The following FRMD4A variants were observed in gnomAD, a reference collection of about 807,000 sequenced individuals.
The protein encoded by FRMD4A is FERM domain containing 4A, also known as FERM domain-containing protein 4A.
FRMD4A carries 29 observed loss-of-function variants against 129.1 expected under a neutral mutation model. The ratio of observed to expected loss-of-function variants is 0.22; its 90% CI spans 0.17 to 0.31. The LOEUF is 0.31. Among genes scored for constraint, FRMD4A ranks in the 10% least tolerant of loss-of-function variants. The pLI, the probability that FRMD4A is intolerant of heterozygous loss-of-function variation, is 1.00. For missense variants in FRMD4A, 1,272 were observed against 1,375.8 expected, an observed-to-expected ratio of 0.92 and a Z score of 1.19; for synonymous variants, 634 against 571.6, an observed-to-expected ratio of 1.11 and a Z score of -1.56.
intron 2 of FRMD4A, among the ~76,000 whole-genome samples, chr10:14,162,853 A>C (rs1439255129): frequency 1.3e-5 from 2 of 152,148 alleles, no homozygotes; most frequent in East Asian, 3.9e-4. Context: ...ACCCAAGAGC[A>C]ATGCATGATT....
chr10:13,888,260 C>T lies in FRMD4A; in HGVS notation c.46-29348G>A, dbSNP rs141112544. Among the ~76,000 whole-genome samples the T allele has an allele frequency of 2.7e-3, 409 of 152,362 alleles. 3 individuals carry two copies. Among genetic ancestry groups the T allele is most frequent in the African/African-American group, 9.2e-3 (382 of 41,594 alleles). ...CAGCCACTTTTCCAAGATTCTCTGA[C>T]TCTGATTTTGCTATTGGAGGAAAAA... On this transcript the variant is annotated intron_variant, in intron 2 of 24. Transcript: ENST00000357447.
chr10:13,995,063 G>A (rs2095617678), intron 2 of FRMD4A, among the ~76,000 whole-genome samples: 1 of 152,140 alleles, frequency 6.6e-6, no homozygotes, highest in South Asian at 2.1e-4. Context: ...GCCAGTTTCT[G>A]ACCACTGGAT....
chr10:14,324,207 T>C (rs1459965827), intron 2 of FRMD4A, among the ~76,000 whole-genome samples: 2 of 152,258 alleles, frequency 1.3e-5, no homozygotes, highest in African/African-American at 4.8e-5. Flanking sequence ...TTTACAGTTA[T>C]GGATTTCAAA....
chr10:14,254,305 A>G (rs1844536386), intron 2 of FRMD4A, among the ~76,000 whole-genome samples: 1 of 152,230 alleles, frequency 6.6e-6, no homozygotes, highest in African/African-American at 2.4e-5. Context: ...GTATGCATCT[A>G]TTGAGGATGA....
intron 2 of FRMD4A, among the ~76,000 whole-genome samples, chr10:14,226,871 C>A (rs1014959841): frequency 2.0e-5 from 3 of 152,156 alleles, no homozygotes; most frequent in Non-Finnish European, 2.9e-5. Flanking sequence ...TCCCCGCTGC[C>A]TTCCAAGACC....
At chr10:14,008,463 C>T in intron 2 of FRMD4A, 1 of 996,822 alleles carries the variant, frequency 1.0e-6, no homozygotes, top group African/African-American at 1.7e-5. Flanking sequence ...TGCCGTGTCC[C>T]GCTTGTGGGC....
chr10:13,836,825 T>C (rs767502721), intron 3 of FRMD4A, among the ~76,000 whole-genome samples: 6 of 148,614 alleles, frequency 4.0e-5, no homozygotes, highest in Non-Finnish European at 5.9e-5. Flanking sequence ...TGGCACGATC[T>C]GGGCTCACTG....
intron 2 of FRMD4A, among the ~76,000 whole-genome samples, chr10:14,296,079 G>C (rs1218463): frequency 1.3e-5 from 2 of 151,788 alleles, no homozygotes; most frequent in South Asian, 4.2e-4. Flanking sequence ...TAATCACCTC[G>C]CCTGGCGACG....
intron 3 of FRMD4A, among the ~76,000 whole-genome samples, chr10:13,849,399 C>T (rs191217649): frequency 3.3e-4 from 50 of 152,166 alleles, no homozygotes; most frequent in African/African-American, 1.1e-3. Flanking sequence ...TGGGAAGACA[C>T]GGAATCAACT....
At chr10:13,804,788 G>C (rs2130857537) in intron 4 of FRMD4A, among the ~76,000 whole-genome samples, 1 of 142,124 alleles carries the variant, frequency 7.0e-6, no homozygotes, top group South Asian at 2.2e-4. Context: ...TTGATCTCTT[G>C]ACCTTGTGAT....
At chr10:14,138,245 C>T (rs1015084549) in intron 2 of FRMD4A, among the ~76,000 whole-genome samples, 1 of 152,170 alleles carries the variant, frequency 6.6e-6, no homozygotes, top group Non-Finnish European at 1.5e-5. Flanking sequence ...GTGACCAAGA[C>T]CTGCCTTTGC....
chr10:13,749,710 CA>C (rs1470363488), intron 8 of FRMD4A, among the ~76,000 whole-genome samples: 2 of 152,054 alleles, frequency 1.3e-5, no homozygotes, highest in Non-Finnish European at 2.9e-5. Flanking sequence ...AGAATGAGGC[CA>C]GGCGTGGTGG....
chr10:14,135,700 A>G (rs1839497312), intron 2 of FRMD4A, among the ~76,000 whole-genome samples: 1 of 152,232 alleles, frequency 6.6e-6, no homozygotes, highest in South Asian at 2.1e-4. Flanking sequence ...TCACAGATGC[A>G]AAGGGGAACA....
chr10:14,094,027 C>T (rs181999728), intron 2 of FRMD4A, among the ~76,000 whole-genome samples: 188 of 152,296 alleles, frequency 1.2e-3, no homozygotes, highest in African/African-American at 4.2e-3. Flanking sequence ...AGGCTTTTGC[C>T]GAAAAGGCCG....
At chr10:13,673,195 A>C (rs574878719) in intron 16 of FRMD4A, among the ~76,000 whole-genome samples, 3 of 152,212 alleles carry the variant, frequency 2.0e-5, no homozygotes, top group Non-Finnish European at 2.9e-5. Context: ...CTTTATAAAA[A>C]TGTTGCTAAT....
chr10:13,872,209 C>G (rs952400816), intron 2 of FRMD4A, among the ~76,000 whole-genome samples: 6 of 152,222 alleles, frequency 3.9e-5, no homozygotes, highest in Admixed American at 2.0e-4. Context: ...TCTCTGTCCC[C>G]TCATGCCAGG....
At chr10:13,674,703 T>G (rs559500823) in intron 16 of FRMD4A, among the ~76,000 whole-genome samples, 8 of 152,304 alleles carry the variant, frequency 5.3e-5, no homozygotes, top group African/African-American at 1.4e-4. Flanking sequence ...ACAAAGCACA[T>G]TAGAGAGGTT....
chr10:13,723,405 C>T (rs2089622079), intron 12 of FRMD4A, among the ~76,000 whole-genome samples: 1 of 152,080 alleles, frequency 6.6e-6, no homozygotes, highest in African/African-American at 2.4e-5. Context: ...TGTTCAAACT[C>T]ACAGAAACAG....
At chr10:13,983,508 T>A (rs2095569663) in intron 2 of FRMD4A, among the ~76,000 whole-genome samples, 1 of 152,140 alleles carries the variant, frequency 6.6e-6, no homozygotes, top group Admixed American at 6.5e-5. Flanking sequence ...TATATATATT[T>A]TTTTCCAGAA....
Sources: allele counts gnomAD v4.1 joint callset (sites outside exome capture counted in the v4.1 genomes callset), GRCh38; gene constraint gnomAD v4.1.1; transcripts MANE v1.5; gene names NCBI Gene and HGNC (gene_info 2026-07-23, HGNC 2026-07-21).